KLF12: variants seen among roughly 807,000 people sequenced by gnomAD.
The protein encoded by KLF12 is KLF transcription factor 12.
KLF12 carries 9 observed loss-of-function variants against 37.8 expected under a neutral mutation model. The observed-to-expected ratio is 0.24, with a 90% CI of 0.14 to 0.42. The LOEUF (loss-of-function observed/expected upper bound fraction) is 0.42. Ranked by LOEUF, KLF12 falls within the 10% of genes least tolerant of loss-of-function variation. The pLI, the probability that KLF12 is intolerant of heterozygous loss-of-function variation, is 1.00. For missense variants in KLF12, 411 were observed against 516.0 expected (o/e 0.80, Z 1.97); for synonymous variants, 208 against 202.1 (o/e 1.03, Z -0.25).
chr13:73,690,142 G>T lies in KLF12; in HGVS notation c.*5348C>A, dbSNP rs560175912. 5.1e-4 allele frequency: 78 copies of T among 152,632 alleles called. No homozygotes were observed. Among genetic ancestry groups the T allele is most frequent in the Middle Eastern group, 3.4e-3 (1 of 294 alleles). The allele number at this position is 152,632 out of a possible 1,614,324, so 9.5% of individuals were successfully genotyped here. On this transcript the variant is annotated 3_prime_UTR_variant, in exon 8 of 8. Transcript: ENST00000377669. ...ACTCTCTCTGTGTGTATGTGTGTGT[G>T]TGTTCACATGTGCAGGAAAAAACCC...
chr13:74,233,923 A>C, the KLF12 span, among the ~76,000 whole-genome samples: 4 of 152,226 alleles, frequency 2.6e-5, no homozygotes, highest in Admixed American at 2.6e-4. Flanking sequence ...TGCCATTTAC[A>C]TTAGCAACAA....
intron 2 of KLF12, among the ~76,000 whole-genome samples, chr13:73,957,882 C>G (rs1410964845): frequency 6.6e-6 from 1 of 152,044 alleles, no homozygotes; most frequent in African/African-American, 2.4e-5. Context: ...ATACGCTGGG[C>G]AGTAGGGCAA....
At chr13:74,051,300 A>ATGGATAAAGAAAATG (rs1378694757) in intron 1 of KLF12, among the ~76,000 whole-genome samples, 2 of 151,042 alleles carry the variant, frequency 1.3e-5, no homozygotes, top group Non-Finnish European at 2.9e-5. Flanking sequence ...CAATGGATGA[A>ATGGATAAAGAAAATG]TGGATAAAGA....
intron 3 of KLF12, among the ~76,000 whole-genome samples, chr13:73,887,567 A>T (rs1347152749): frequency 6.6e-6 from 1 of 152,186 alleles, no homozygotes; most frequent in Non-Finnish European, 1.5e-5. Context: ...AGCTGAGCAG[A>T]TGTTGGTGCC....
chr13:73,769,257 T>C (rs1880122381), intron 5 of KLF12, among the ~76,000 whole-genome samples: 1 of 152,218 alleles, frequency 6.6e-6, no homozygotes. Flanking sequence ...TAGAATCCAA[T>C]GTAGTTGGTA....
intron 5 of KLF12, among the ~76,000 whole-genome samples, chr13:73,788,631 T>C (rs1198668056): frequency 1.4e-5 from 2 of 147,934 alleles, no homozygotes; most frequent in Non-Finnish European, 3.0e-5. Context: ...TATCTATAAA[T>C]GCCTGCTAAT....
At chr13:74,114,626 A>G (rs914119567) in intron 1 of KLF12, among the ~76,000 whole-genome samples, 1 of 152,176 alleles carries the variant, frequency 6.6e-6, no homozygotes, top group Admixed American at 6.5e-5. Context: ...AATATCTTTA[A>G]TAATATTTAC....
intron 1 of KLF12, among the ~76,000 whole-genome samples, chr13:74,030,925 C>A (rs1893096518): frequency 6.6e-6 from 1 of 152,122 alleles, no homozygotes; most frequent in Non-Finnish European, 1.5e-5. Flanking sequence ...TAATCCTAAA[C>A]TTCATTTTGA....
intron 3 of KLF12, among the ~76,000 whole-genome samples, chr13:73,872,716 C>T (rs993163228): frequency 1.3e-5 from 2 of 152,212 alleles, no homozygotes; most frequent in African/African-American, 4.8e-5. Flanking sequence ...GTCCTTGCTC[C>T]ATCTGCTCTT....
chr13:74,140,489 G>A, the KLF12 span, among the ~76,000 whole-genome samples: 2 of 152,208 alleles, frequency 1.3e-5, no homozygotes, highest in African/African-American at 4.8e-5. Flanking sequence ...GTCTCTAAGG[G>A]AAAAAAAGCA....
chr13:74,045,121 A>G (rs1013746439), intron 1 of KLF12, among the ~76,000 whole-genome samples: 4 of 152,328 alleles, frequency 2.6e-5, no homozygotes, highest in South Asian at 2.1e-4. Flanking sequence ...GGGTCCACAC[A>G]GTGGCTTCCT....
At chr13:73,748,933 G>C (rs1221586382) in intron 6 of KLF12, among the ~76,000 whole-genome samples, 1 of 152,118 alleles carries the variant, frequency 6.6e-6, no homozygotes, top group Non-Finnish European at 1.5e-5. Context: ...TAAAGGCCTT[G>C]GAAAAGTTAC....
At chr13:74,107,477 A>C (rs906669609) in intron 1 of KLF12, among the ~76,000 whole-genome samples, 41 of 152,164 alleles carry the variant, frequency 2.7e-4, no homozygotes, top group African/African-American at 9.4e-4. Flanking sequence ...AGGAAAGTTA[A>C]CTCTTCACTT....
intron 3 of KLF12, among the ~76,000 whole-genome samples, chr13:73,907,152 T>C (rs1247282402): frequency 6.6e-6 from 1 of 152,184 alleles, no homozygotes; most frequent in Non-Finnish European, 1.5e-5. Context: ...GCAAAGTCCA[T>C]ATTATTTTCT....
intron 6 of KLF12, among the ~76,000 whole-genome samples, chr13:73,718,420 G>A (rs1427588069): frequency 1.3e-5 from 2 of 152,200 alleles, no homozygotes; most frequent in African/African-American, 4.8e-5. Flanking sequence ...ATGAAGACAA[G>A]TGGATTGTCT....
At chr13:73,706,320 G>A (rs1475664661) in intron 7 of KLF12, among the ~76,000 whole-genome samples, 2 of 151,916 alleles carry the variant, frequency 1.3e-5, no homozygotes, top group African/African-American at 2.4e-5. Flanking sequence ...CTAAATATAG[G>A]AAAAAAGATC....
chr13:74,131,047 C>G (rs1329523684), intron 1 of KLF12, among the ~76,000 whole-genome samples: 2 of 152,190 alleles, frequency 1.3e-5, no homozygotes, highest in African/African-American at 2.4e-5. Context: ...ACCCCAAACT[C>G]TAGATTAACC....
chr13:73,883,501 C>A (rs1438038171), intron 3 of KLF12, among the ~76,000 whole-genome samples: 1 of 152,082 alleles, frequency 6.6e-6, no homozygotes, highest in African/African-American at 2.4e-5. Context: ...GGAAGAACCC[C>A]CTAAGATCAA....
At chr13:73,943,126 C>G (rs1325889042) in intron 3 of KLF12, among the ~76,000 whole-genome samples, 1 of 152,086 alleles carries the variant, frequency 6.6e-6, no homozygotes, top group Non-Finnish European at 1.5e-5. Context: ...CAAAACATTG[C>G]TAATTTTTAG....
Sources: allele counts gnomAD v4.1 joint callset (sites outside exome capture counted in the v4.1 genomes callset), GRCh38; gene constraint gnomAD v4.1.1; transcripts MANE v1.5; gene names NCBI Gene and HGNC (gene_info 2026-07-23, HGNC 2026-07-21).